Variants in DTNB observed in about 807,000 individuals in gnomAD.
DTNB encodes dystrobrevin beta.
DTNB carries 63 observed loss-of-function variants against 90.7 expected under a neutral mutation model. That is an observed-to-expected ratio of 0.69 (90% CI 0.57 to 0.86). The LOEUF is 0.86. Ranked by LOEUF, DTNB falls within the 40% of genes least tolerant of loss-of-function variation. DTNB has a pLI of 0.00. For missense variants in DTNB, 744 were observed against 807.1 expected, an observed-to-expected ratio of 0.92 and a Z score of 0.95; for synonymous variants, 277 against 286.7, an observed-to-expected ratio of 0.97 and a Z score of 0.34.
chr2:25,520,276 G>A (rs901169633), intron 9 of DTNB, among the ~76,000 whole-genome samples: 1 of 152,186 alleles, frequency 6.6e-6, no homozygotes, highest in African/African-American at 2.4e-5. Context: ...GGTGACTGAG[G>A]CAGGAGAACT....
chr2:25,521,829 T>C (rs950012234), intron 9 of DTNB, among the ~76,000 whole-genome samples: 32 of 152,254 alleles, frequency 2.1e-4, no homozygotes, highest in African/African-American at 1.9e-4. Context: ...CTGCAGGCTA[T>C]AGTTTGCCCA....
intron 4 of DTNB, among the ~76,000 whole-genome samples, chr2:25,619,121 T>C (rs1400276968): frequency 2.0e-5 from 3 of 152,122 alleles, no homozygotes; most frequent in African/African-American, 4.8e-5. Context: ...CACTATCTAG[T>C]AGGAGTTTGC....
intron 9 of DTNB, among the ~76,000 whole-genome samples, chr2:25,529,882 T>C (rs1404008404): frequency 6.6e-6 from 1 of 152,204 alleles, no homozygotes; most frequent in Non-Finnish European, 1.5e-5. Context: ...AGAAACATTC[T>C]CAGCTTTGAC....
chr2:25,576,229 T>G (rs899420299), intron 8 of DTNB, among the ~76,000 whole-genome samples: 5 of 145,038 alleles, frequency 3.4e-5, no homozygotes, highest in Admixed American at 6.8e-5. Flanking sequence ...TTGTTTTTTT[T>G]TTTTTTTTTT....
chr2:25,657,739 A>G (rs2082340827), intron 1 of DTNB, among the ~76,000 whole-genome samples: 1 of 152,004 alleles, frequency 6.6e-6, no homozygotes, highest in Admixed American at 6.6e-5. Flanking sequence ...AAACAAACAA[A>G]ACTCATAAAA....
At chr2:25,478,303 C>G (rs556857427) in intron 10 of DTNB, among the ~76,000 whole-genome samples, 11 of 152,308 alleles carry the variant, frequency 7.2e-5, no homozygotes, top group African/African-American at 2.6e-4. Context: ...GACCTCGTCC[C>G]TTTCACAGGA....
At chr2:25,600,469 T>C (rs2148451816) in intron 5 of DTNB, among the ~76,000 whole-genome samples, 1 of 152,364 alleles carries the variant, frequency 6.6e-6, no homozygotes, top group East Asian at 1.9e-4. Flanking sequence ...AAGTGAAGTC[T>C]GTGAGGACAG....
intron 5 of DTNB, among the ~76,000 whole-genome samples, chr2:25,601,440 A>T (rs550760750): frequency 1.3e-5 from 2 of 152,344 alleles, no homozygotes; most frequent in East Asian, 3.9e-4. Context: ...TGCAATTTTT[A>T]AAATATTCTA....
chr2:25,427,815 G>A, intron 14 of DTNB, 184 bp from the exon 15 acceptor site: 3 of 488,870 alleles, frequency 6.1e-6, no homozygotes, highest in East Asian at 3.6e-5. Context: ...GGACTGTTCT[G>A]AGAATAATAG....
At chr2:25,389,085 C>T (rs2040371312) in intron 16 of DTNB, among the ~76,000 whole-genome samples, 1 of 152,178 alleles carries the variant, frequency 6.6e-6, no homozygotes, top group East Asian at 1.9e-4. Flanking sequence ...TGAGCTCATG[C>T]AATCTGCTCG....
At chr2:25,392,600 A>T (rs2041439574) in intron 16 of DTNB, among the ~76,000 whole-genome samples, 1 of 152,234 alleles carries the variant, frequency 6.6e-6, no homozygotes. Flanking sequence ...AAAAGATTTA[A>T]AGTTACCATG....
chr2:25,422,395 C>CTTTTTTTTTTTT (rs146697158), intron 15 of DTNB, among the ~76,000 whole-genome samples: 13 of 82,922 alleles, frequency 1.6e-4, no homozygotes, highest in African/African-American at 3.0e-4. Context: ...CTTTTCTCTT[C>CTTTTTTTTTTTT]TTTTTTTTTT....
rs2086604061 is a variant in DTNB at position 25,673,476 on chromosome 2, A to AGGCAGC, written c.-98_-93dup. The AGGCAGC allele has an allele frequency of 1.3e-5, 2 of 150,950 alleles. No homozygotes were observed. The highest frequency in any genetic ancestry group is 3.4e-3 in the Middle Eastern group (1 of 292). 9.4% of individuals were successfully genotyped at this position (150,950 alleles called of 1,614,324 possible). On this transcript the variant is annotated 5_prime_UTR_variant, in exon 1 of 21. Coordinates refer to ENST00000406818, the MANE Select transcript of DTNB (RefSeq NM_021907.5). Reference sequence around the variant, plus strand: ...CGCTCCGGCCCAGCCCCCTCGGCTGAGGCAGCGGCAGCGCCTACTCAGGCC... The same window carrying AGGCAGC: ...CGCTCCGGCCCAGCCCCCTCGGCTGAGGCAGCGGCAGCGGCAGCGCCTACTCAGGCC...
rs567176018 is a variant in DTNB, at chr2:25,470,652, C to T, written c.1079+12144G>A. Among the ~76,000 whole-genome samples the T allele has an allele frequency of 6.4e-4, 97 of 152,266 alleles. 1 individual carries two copies. Among genetic ancestry groups the T allele is most frequent in the Non-Finnish European group, 1.1e-3 (78 of 68,024 alleles). ...TTGGCCTCCCAAAGTGCCAGGATTA[C>T]AGGTGTGAGCCACTGCACCCGGCCT... On this transcript the variant is annotated intron_variant, in intron 10 of 20. Transcript: ENST00000406818.
intron 9 of DTNB, among the ~76,000 whole-genome samples, chr2:25,526,395 A>ATATATATATATATATATATATTT: frequency 8.0e-5 from 4 of 49,826 alleles, no homozygotes; most frequent in Admixed American, 5.7e-4. Context: ...ATATATATAT[A>ATATATATATATATATATATATTT]TTTTTTTTTT....
At chr2:25,465,316 C>A (rs2150243653) in intron 10 of DTNB, among the ~76,000 whole-genome samples, 1 of 149,952 alleles carries the variant, frequency 6.7e-6, no homozygotes, top group East Asian at 2.0e-4. Context: ...GCAGAGCTTG[C>A]AGTGAGCTGA....
At chr2:25,665,099 C>G (rs979625683) in intron 1 of DTNB, among the ~76,000 whole-genome samples, 3 of 152,182 alleles carry the variant, frequency 2.0e-5, no homozygotes, top group Non-Finnish European at 4.4e-5. Context: ...TTACGTAACT[C>G]CCACAGTAAA....
chr2:25,419,940 CAT>C (rs1481908167), intron 15 of DTNB, among the ~76,000 whole-genome samples: 2 of 152,310 alleles, frequency 1.3e-5, no homozygotes, highest in East Asian at 1.9e-4. Context: ...ACGATATTCA[CAT>C]GTGTTTAGGT....
rs531862342 is a variant in DTNB, at chr2:25,557,016, G to T, written c.876+19822C>A. 5.9e-5 allele frequency among the ~76,000 whole-genome samples: 9 copies of T among 152,314 alleles called. No homozygotes were observed. In the South Asian group the frequency reaches 1.2e-3, roughly 21 times the overall value. ...TGTGTTATAAGTCATCTTTGTATTAGAAGTTGCTTCTCGAATACAGACAGC... is the reference window on the plus strand; with the variant it reads ...TGTGTTATAAGTCATCTTTGTATTATAAGTTGCTTCTCGAATACAGACAGC... On this transcript the variant is annotated intron_variant, in intron 8 of 20. Coordinates refer to ENST00000406818, the MANE Select transcript of DTNB (RefSeq NM_021907.5).
Sources: allele counts gnomAD v4.1 joint callset (sites outside exome capture counted in the v4.1 genomes callset), GRCh38; gene constraint gnomAD v4.1.1; transcripts MANE v1.5; gene names NCBI Gene and HGNC (gene_info 2026-07-23, HGNC 2026-07-21).